The following MARCHF1 variants were observed in gnomAD, a reference collection of about 807,000 sequenced individuals.
MARCHF1 encodes the protein E3 ubiquitin-protein ligase MARCHF1.
A neutral mutation model predicts 54.2 loss-of-function variants in MARCHF1; 40 were observed. The observed-to-expected ratio is 0.74, with a 90% CI of 0.57 to 0.96. The LOEUF is 0.96. Among genes scored for constraint, MARCHF1 ranks in the 40% least tolerant of loss-of-function variants. The pLI is 0.00. For missense variants in MARCHF1, 586 were observed against 656.5 expected (o/e 0.89, Z 1.17); for synonymous variants, 236 against 236.3 (o/e 1.00, Z 0.01).
intron 9 of MARCHF1, among the ~76,000 whole-genome samples, chr4:163,538,218 C>T (rs1738603594): frequency 6.6e-6 from 1 of 152,002 alleles, no homozygotes; most frequent in South Asian, 2.1e-4. Context: ...TGACTCTGGA[C>T]AAGATTATTT....
chr4:163,678,627 G>A (rs1420633492), intron 5 of MARCHF1, among the ~76,000 whole-genome samples: 2 of 152,152 alleles, frequency 1.3e-5, no homozygotes, highest in Non-Finnish European at 2.9e-5. Context: ...AGCTATTTGT[G>A]TGAGTTATGT....
At chr4:164,255,636 AAATAT>A (rs1371051645) in intron 1 of MARCHF1, among the ~76,000 whole-genome samples, 1 of 152,104 alleles carries the variant, frequency 6.6e-6, no homozygotes, top group East Asian at 1.9e-4. Context: ...ATATCAGACA[AAATAT>A]AATAGTTGTT....
At chr4:163,731,452 A>G (rs1012992203) in intron 4 of MARCHF1, among the ~76,000 whole-genome samples, 1 of 152,224 alleles carries the variant, frequency 6.6e-6, no homozygotes, top group Non-Finnish European at 1.5e-5. Context: ...GAGGCCTACA[A>G]TTATCCCATC....
At chr4:164,226,331 TG>T (rs937134462) in intron 1 of MARCHF1, among the ~76,000 whole-genome samples, 1 of 151,934 alleles carries the variant, frequency 6.6e-6, no homozygotes, top group Non-Finnish European at 1.5e-5. Context: ...TAAATTATTA[TG>T]GGGGGAAAAT....
intron 9 of MARCHF1, among the ~76,000 whole-genome samples, chr4:163,535,227 C>A (rs1286876727): frequency 2.6e-5 from 4 of 151,966 alleles, no homozygotes; most frequent in Non-Finnish European, 5.9e-5. Context: ...ATAAAAGAAT[C>A]ATTTTTCTTA....
At chr4:164,101,617 CA>C (rs1011285447) in intron 2 of MARCHF1, among the ~76,000 whole-genome samples, 3 of 128,464 alleles carry the variant, frequency 2.3e-5, no homozygotes, top group African/African-American at 8.5e-5. Flanking sequence ...ATCTGTACAT[CA>C]CCATCATCAA....
At chr4:164,120,158 A>G (rs1367663284) in intron 1 of MARCHF1, among the ~76,000 whole-genome samples, 1 of 152,122 alleles carries the variant, frequency 6.6e-6, no homozygotes, top group East Asian at 1.9e-4. Flanking sequence ...ATTCTATGCC[A>G]ATGGAAACCA....
In MARCHF1 at chr4:163,980,412, C is replaced by T. The variant is rs543449840; in HGVS notation, c.-39+8089G>A. ...AACGTTAGACCTAAAACCATAAAAA[C>T]CCTAGAAGAAAACCTAGGCATTACC... On this transcript the variant is annotated intron_variant, in intron 3 of 9. Coordinates refer to ENST00000514618, the MANE Select transcript of MARCHF1 (RefSeq NM_001394959.1). Among the ~76,000 whole-genome samples the T allele has an allele frequency of 6.3e-4, 93 of 146,606 alleles. 1 individual carries two copies. Among genetic ancestry groups the T allele is most frequent in the African/African-American group, 2.2e-3 (88 of 39,362 alleles).
chr4:164,359,461 T>C (rs999626170), intron 1 of MARCHF1, among the ~76,000 whole-genome samples: 2 of 152,198 alleles, frequency 1.3e-5, no homozygotes, highest in Non-Finnish European at 2.9e-5. Flanking sequence ...AGACATTTCC[T>C]ATGGTATGAT....
intron 1 of MARCHF1, among the ~76,000 whole-genome samples, chr4:164,254,913 C>T (rs1435968513): frequency 6.6e-6 from 1 of 152,164 alleles, no homozygotes; most frequent in African/African-American, 2.4e-5. Flanking sequence ...AGGATTAATA[C>T]TTTGTATCCC....
At chr4:164,029,420 C>T (rs568233792) in intron 2 of MARCHF1, among the ~76,000 whole-genome samples, 4 of 151,930 alleles carry the variant, frequency 2.6e-5, no homozygotes, top group African/African-American at 7.3e-5. Flanking sequence ...GAGAAATCTG[C>T]CCCCATGATC....
At chr4:163,588,421 A>G (rs1740479545) in intron 7 of MARCHF1, among the ~76,000 whole-genome samples, 1 of 152,224 alleles carries the variant, frequency 6.6e-6, no homozygotes, top group Non-Finnish European at 1.5e-5. Flanking sequence ...AATTGAATTC[A>G]GTCAACAAAA....
At chr4:163,942,477 C>G (rs1245058587) in intron 3 of MARCHF1, among the ~76,000 whole-genome samples, 1 of 152,142 alleles carries the variant, frequency 6.6e-6, no homozygotes, top group East Asian at 1.9e-4. Flanking sequence ...GCCAGTGCTC[C>G]TAAGAACCTG....
At chr4:163,649,936 A>C (rs1175824636) in intron 5 of MARCHF1, among the ~76,000 whole-genome samples, 1 of 152,008 alleles carries the variant, frequency 6.6e-6, no homozygotes, top group Non-Finnish European at 1.5e-5. Context: ...ATTTATGAGA[A>C]GGTGATTTCT....
In MARCHF1 at chr4:164,103,888, AAGAG is replaced by A. The variant is rs1243461422; in HGVS notation, c.-248+7696_-248+7699del. ...TGCTAGCAAGACTAATAAAGAAAAAAAGAGAGAAGAATCAATAGACGCAATAAAA... is the reference window on the plus strand; with the variant it reads ...TGCTAGCAAGACTAATAAAGAAAAAAAGAAGAATCAATAGACGCAATAAAA... On this transcript the variant is annotated intron_variant, in intron 2 of 9. Transcript: ENST00000514618. 4.9e-5 allele frequency among the ~76,000 whole-genome samples: 7 copies of A among 142,864 alleles called. No homozygotes were observed. The East Asian group carries it at 1.4e-3, about 28-fold the overall frequency. The allele number at this position is 142,864 out of a possible 152,430, so 93.7% of individuals were successfully genotyped here. A position where few individuals can be genotyped will look rare whatever the true frequency, so the allele number is the denominator to read the frequency against.
intron 2 of MARCHF1, among the ~76,000 whole-genome samples, chr4:164,100,887 G>A (rs930376008): frequency 5.3e-5 from 8 of 152,174 alleles, no homozygotes; most frequent in Non-Finnish European, 7.4e-5. Flanking sequence ...GACAGTGGGC[G>A]CAGGTCAGTG....
intron 4 of MARCHF1, among the ~76,000 whole-genome samples, chr4:163,749,197 A>C (rs980426596): frequency 6.7e-6 from 1 of 148,702 alleles, no homozygotes; most frequent in Non-Finnish European, 1.5e-5. Context: ...ATTTCATTTT[A>C]AGTTATCTTT....
chr4:163,598,940 G>A (rs1261753565), intron 7 of MARCHF1, among the ~76,000 whole-genome samples: 2 of 151,882 alleles, frequency 1.3e-5, no homozygotes, highest in South Asian at 2.1e-4. Context: ...TAAATTGTTC[G>A]GCTGTTTAAA....
At chr4:164,325,333 T>TTTTATATATATATATATATATATATA (rs375590729) in intron 1 of MARCHF1, among the ~76,000 whole-genome samples, 1 of 138,460 alleles carries the variant, frequency 7.2e-6, no homozygotes, top group South Asian at 2.5e-4. Context: ...TAGACAGAAA[T>TTTTATATATATATATATATATATATA]TATATATATA....
Sources: allele counts gnomAD v4.1 joint callset (sites outside exome capture counted in the v4.1 genomes callset), GRCh38; gene constraint gnomAD v4.1.1; transcripts MANE v1.5; gene names NCBI Gene and HGNC (gene_info 2026-07-23, HGNC 2026-07-21).